The following UNC13B variants were observed in gnomAD, a reference collection of about 807,000 sequenced individuals.
UNC13B encodes protein unc-13 homolog B.
Under a neutral mutation model 211.0 loss-of-function variants are expected in UNC13B, and 144 were observed. The observed-to-expected ratio is 0.68, with a 90% CI of 0.60 to 0.78. The LOEUF (loss-of-function observed/expected upper bound fraction) is 0.78. UNC13B is among the 30% of genes least tolerant of loss of function. UNC13B has a pLI of 0.00. For synonymous variants in UNC13B, 709 were observed against 725.8 expected, an observed-to-expected ratio of 0.98 and a Z score of 0.37; for missense variants, 1,777 against 2,002.0, an observed-to-expected ratio of 0.89 and a Z score of 2.14.
chr9:35,270,136 A>G (rs1157493108), intron 7 of UNC13B, among the ~76,000 whole-genome samples: 1 of 152,054 alleles, frequency 6.6e-6, no homozygotes, highest in African/African-American at 2.4e-5. Flanking sequence ...GAGGCTGGTT[A>G]TTTTTAGTGG....
rs765813001 is a variant in UNC13B, at chr9:35,399,693, G to A, written c.12300G>A (p.Gln4100=). 12 of 1,614,162 alleles carry A rather than the reference G, an allele frequency of 7.4e-6. No homozygotes were observed. The highest frequency in any genetic ancestry group is 1.0e-5 in the Non-Finnish European group (12 of 1,180,024). ...AAACACGGAATCTCACTCCAAAGCA[G>A]TGTGCAGTCCTTGACCTCGCCCTGG... ...REETRNLTPK[Q]CAVLDLALDT... The change falls in exon 36 of 40, where the codon CAG becomes CAA. Residue 4100 remains glutamine, a synonymous_variant. Coordinates refer to ENST00000635942, the MANE Select transcript of UNC13B (RefSeq NM_001371189.2).
At position 35,404,493 on chromosome 9, in the gene UNC13B, G is replaced by A. The variant is rs1836555425; in HGVS notation, c.*460G>A. 5.1e-6 allele frequency: 1 copy of A among 195,928 alleles called. No homozygotes were observed. The highest frequency in any genetic ancestry group is 2.3e-5 in the African/African-American group (1 of 43,370). 12.1% of individuals were successfully genotyped at this position (195,928 alleles called of 1,614,324 possible). A position where few individuals can be genotyped will look rare whatever the true frequency, so the allele number is the denominator to read the frequency against. The stretch of plus-strand genomic sequence containing the variant: ...GCCTGTTGCTGAGCCCGGTGGTCTG[G>A]ATTGGAGTATGGCCAGGGCAGGAGT... On this transcript the variant is annotated 3_prime_UTR_variant, in exon 40 of 40. Coordinates refer to ENST00000635942, the MANE Select transcript of UNC13B (RefSeq NM_001371189.2).
Position 35,378,428 on chromosome 9 carries a change from G to A in UNC13B, c.10197G>A (p.Lys3399=). The part of the protein sequence containing the change: ...FGNLNPVWEE[K]FHFECHNSSD... Reference sequence around the variant, plus strand: ...ACTTGAATCCTGTTTGGGAGGAGAAGTTCCATTTGTAAGTCACAGAGAGCT... The same window carrying A: ...ACTTGAATCCTGTTTGGGAGGAGAAATTCCATTTGTAAGTCACAGAGAGCT... The change falls in exon 17 of 40, where the codon AAG becomes AAA. Residue 3399 remains lysine, a synonymous_variant. Transcript: ENST00000635942. 1 of 1,614,156 alleles carries A rather than the reference G, an allele frequency of 6.2e-7. No homozygotes were observed. Among genetic ancestry groups the A allele is most frequent in the Non-Finnish European group, 8.5e-7 (1 of 1,180,004 alleles).
At chr9:35,272,089 A>G (rs1168104224) in intron 7 of UNC13B, among the ~76,000 whole-genome samples, 1 of 152,164 alleles carries the variant, frequency 6.6e-6, no homozygotes, top group African/African-American at 2.4e-5. Context: ...AGATAGAGGA[A>G]ATATTTATGT....
chr9:35,386,890 G>A (rs1835226019), intron 24 of UNC13B, among the ~76,000 whole-genome samples: 1 of 152,156 alleles, frequency 6.6e-6, no homozygotes, highest in African/African-American at 2.4e-5. Flanking sequence ...TTCTAATAGT[G>A]TCCCCGATCC....
chr9:35,359,975 G>A (rs1833297270), intron 11 of UNC13B, among the ~76,000 whole-genome samples: 1 of 152,156 alleles, frequency 6.6e-6, no homozygotes, highest in African/African-American at 2.4e-5. Flanking sequence ...ATAAAGGCCT[G>A]TAGAGCCCTA....
chr9:35,235,670 C>T (rs1825459210), intron 3 of UNC13B, among the ~76,000 whole-genome samples: 1 of 152,106 alleles, frequency 6.6e-6, no homozygotes, highest in South Asian at 2.1e-4. Flanking sequence ...AACTCCTGAC[C>T]TCAGGTGATC....
intron 11 of UNC13B, among the ~76,000 whole-genome samples, chr9:35,344,491 G>C (rs2132030422): frequency 6.6e-6 from 1 of 152,300 alleles, no homozygotes; most frequent in Middle Eastern, 3.4e-3. Flanking sequence ...TGCTTTCCAT[G>C]ACAATGAATT....
At chr9:35,208,079 T>C (rs1443646354) in intron 1 of UNC13B, among the ~76,000 whole-genome samples, 1 of 152,220 alleles carries the variant, frequency 6.6e-6, no homozygotes, top group African/African-American at 2.4e-5. Flanking sequence ...TATCAGCCAG[T>C]AGATAACTGT....
chr9:35,390,000 CTGTT>C (rs763506559), intron 25 of UNC13B, 27 bp downstream of exon 25: 1 of 1,611,670 alleles, frequency 6.2e-7, no homozygotes, highest in Non-Finnish European at 8.5e-7. Flanking sequence ...TTGGCCCTGT[CTGTT>C]GGTGGTTGGT....
At chr9:35,240,002 T>G (rs1428981776) in intron 5 of UNC13B, among the ~76,000 whole-genome samples, 1 of 152,202 alleles carries the variant, frequency 6.6e-6, no homozygotes, top group Non-Finnish European at 1.5e-5. Flanking sequence ...CTTACAAAGA[T>G]GACGGGATTA....
intron 1 of UNC13B, among the ~76,000 whole-genome samples, chr9:35,204,010 G>C (rs1396534535): frequency 6.6e-6 from 1 of 152,264 alleles, no homozygotes; most frequent in African/African-American, 2.4e-5. Flanking sequence ...TTCTTGGCTA[G>C]GCCCAGGGCC....
chr9:35,228,417 A>G (rs1423081183), intron 2 of UNC13B, among the ~76,000 whole-genome samples: 2 of 151,838 alleles, frequency 1.3e-5, no homozygotes, highest in Non-Finnish European at 2.9e-5. Context: ...TACATGTGCC[A>G]TGTTGGTTTG....
intron 6 of UNC13B, 70 bp from the exon 7 acceptor site, chr9:35,258,923 A>T (rs1827094295): frequency 2.6e-6 from 4 of 1,530,450 alleles, no homozygotes; most frequent in Non-Finnish European, 2.7e-6. Context: ...GGTAGTTGTG[A>T]TTTTTTTCCC....
In UNC13B at chr9:35,400,295, G is replaced by A; in HGVS notation, c.12337-1G>A. The stretch of plus-strand genomic sequence containing the variant: ...GTCACGGGTGCTCTTTTATCTTGCA[G>A]CAATACTTCCATGCAGGAGGCAATG... On this transcript the variant is annotated splice_acceptor_variant, in intron 36 of 39. Transcript: ENST00000635942. LOFTEE classifies it high-confidence loss of function. The A allele has an allele frequency of 6.2e-7, 1 of 1,613,618 alleles. No individual in the cohort carries two copies. Among genetic ancestry groups the A allele is most frequent in the Non-Finnish European group, 8.5e-7 (1 of 1,179,702 alleles).
intron 1 of UNC13B, among the ~76,000 whole-genome samples, chr9:35,209,766 T>G (rs7032682): frequency 0.52 from 78,353 of 152,084 alleles, 20,830 homozygotes; most frequent in East Asian, 0.58. Flanking sequence ...TTCTTTTCCC[T>G]ACATCATTCT....
intron 36 of UNC13B, 74 bp downstream of exon 36, chr9:35,399,803 C>A: frequency 6.9e-7 from 1 of 1,455,028 alleles, no homozygotes; most frequent in Non-Finnish European, 9.6e-7. Context: ...TCTCCCAGAC[C>A]AGGTGTCCCT....
chr9:35,206,743 G>A (rs778469077), intron 1 of UNC13B, among the ~76,000 whole-genome samples: 6 of 151,758 alleles, frequency 4.0e-5, no homozygotes, highest in Admixed American at 6.6e-5. Context: ...GTGTGGTGTC[G>A]CACACCTGTA....
Position 35,162,236 on chromosome 9 carries a change from C to A in UNC13B, c.-48C>A. On this transcript the variant is annotated 5_prime_UTR_variant, in exon 1 of 40. Transcript: ENST00000635942. ...GCACCTGCTGAGAGGAAAGAGGGAG[C>A]GGTCCGGCGCGGCTGGGGCGCGGCA... The A allele has an allele frequency of 1.9e-6, 3 of 1,541,696 alleles. No individual in the cohort carries two copies. Among genetic ancestry groups the A allele is most frequent in the Non-Finnish European group, 2.6e-6 (3 of 1,146,510 alleles).
Sources: gnomAD v4.1 joint callset for allele counts (sites outside exome capture counted in the v4.1 genomes callset) on GRCh38, gnomAD v4.1.1 for gene constraint, MANE v1.5 for transcripts, NCBI Gene and HGNC (gene_info 2026-07-23, HGNC 2026-07-21) for gene names.